Variants in CPSF7 observed in about 807,000 individuals in gnomAD.
CPSF7 encodes the protein cleavage and polyadenylation specificity factor subunit 7.
CPSF7 carries 1 observed loss-of-function variant against 44.3 expected under a neutral mutation model. That is an observed-to-expected ratio of 0.02 (90% CI 0.01 to 0.11). The LOEUF (loss-of-function observed/expected upper bound fraction) is 0.11. Ranked by LOEUF, CPSF7 falls within the 10% of genes least tolerant of loss-of-function variation. The pLI is 1.00. For synonymous variants in CPSF7, 202 were observed against 222.0 expected (o/e 0.91, Z 0.80); for missense variants, 443 against 607.2 (o/e 0.73, Z 2.84).
rs1334376882 is a variant in CPSF7 at position 61,429,950 on chromosome 11, G to A, written c.-92C>T. The stretch of plus-strand genomic sequence containing the variant: ...CGGCGGCGGCGGCGAGTCCGGACTA[G>A]GCCCGAAGCGCGCGAACCGCTCTCC... On this transcript the variant is annotated 5_prime_UTR_variant, in exon 1 of 10. Transcript: ENST00000439958. The A allele has an allele frequency of 2.2e-6, 3 of 1,367,346 alleles. No individual in the cohort carries two copies. The highest frequency in any genetic ancestry group is 2.3e-5 in the Admixed American group (1 of 43,180). The allele number at this position is 1,367,346 out of a possible 1,614,324, so 84.7% of individuals were successfully genotyped here.
In CPSF7 at chr11:61,416,133, C is replaced by G. The variant is rs1860317549; in HGVS notation, c.910G>C (p.Ala304Pro). 1.3e-6 allele frequency: 2 copies of G among 1,508,276 alleles called. No homozygotes were observed. The highest frequency in any genetic ancestry group is 1.8e-6 in the Non-Finnish European group (2 of 1,130,352). 93.4% of individuals were successfully genotyped at this position (1,508,276 alleles called of 1,614,324 possible). ...VGPPPDTYMKASAPYNHHGSR... is the reference protein window; with the variant it reads ...VGPPPDTYMKPSAPYNHHGSR... ...CCATGGTGGTTATAGGGGGCAGAGG[C>G]CTTCATGTAAGTATCTGGTGGAGGC... Residue 304 changes from alanine to proline, a missense_variant, in exon 6 of 10, where the codon GCC (alanine) becomes CCC (proline). Physicochemically the swap from Ala to Pro is conservative, Grantham distance 27. Transcript: ENST00000439958.
chr11:61,415,583 G>C lies in CPSF7; in HGVS notation c.1057+83C>G, dbSNP rs956031512. The C allele has an allele frequency of 9.0e-6, 8 of 887,428 alleles. No homozygotes were observed. In the African/African-American group the frequency reaches 1.2e-4, roughly 13 times the overall value. The allele number at this position is 887,428 out of a possible 1,614,324, so 55.0% of individuals were successfully genotyped here. A position where few individuals can be genotyped will look rare whatever the true frequency, so the allele number is the denominator to read the frequency against. Reference sequence around the variant, plus strand: ...TACAGTACTCCAACTTTATCTTGTTGAACTTTTGCCAGTAGAAATGACAAA... The same window carrying C: ...TACAGTACTCCAACTTTATCTTGTTCAACTTTTGCCAGTAGAAATGACAAA... On this transcript the variant is annotated intron_variant, in intron 7 of 9. Coordinates refer to ENST00000439958, the MANE Select transcript of CPSF7 (RefSeq NM_001142565.3).
At chr11:61,404,972 T>C (rs1859171897) in intron 9 of CPSF7, among the ~76,000 whole-genome samples, 1 of 152,058 alleles carries the variant, frequency 6.6e-6, no homozygotes, top group Non-Finnish European at 1.5e-5. Context: ...CAGAACAAAA[T>C]GAGGTCTCTG....
Position 61,416,469 on chromosome 11 carries a change from G to A in CPSF7, c.574C>T (p.Arg192Trp), listed in dbSNP as rs201985915. ...ACAAGGTTCTCAGAGGGTGTGGCCC[G>A]TCCATCAGCAGAATCACTAGAATCT... Reference protein sequence around the residue: ...SRDSSDSADGRATPSENLVPS... With the variant: ...SRDSSDSADGWATPSENLVPS... The change falls in exon 6 of 10, where the codon CGG becomes TGG. Residue 192 changes from arginine (R) to tryptophan (W), a missense_variant. Arg to Trp is a moderately radical substitution (Grantham distance 101, BLOSUM62 -3). Coordinates refer to ENST00000439958, the MANE Select transcript of CPSF7 (RefSeq NM_001142565.3). 52 of 1,614,122 alleles carry A rather than the reference G, an allele frequency of 3.2e-5. No individual in the cohort carries two copies. Among genetic ancestry groups the A allele is most frequent in the Admixed American group, 5.0e-5 (3 of 60,014 alleles).
At position 61,417,978 on chromosome 11, in the gene CPSF7, T is replaced by C. The variant is rs545018867; in HGVS notation, c.524-1459A>G. Among the ~76,000 whole-genome samples, 89 of 152,310 alleles carry C rather than the reference T, an allele frequency of 5.8e-4. 1 individual carries two copies. Among genetic ancestry groups the C allele is most frequent in the Non-Finnish European group, 1.1e-3 (72 of 68,024 alleles). On this transcript the variant is annotated intron_variant, in intron 5 of 9. Coordinates refer to ENST00000439958, the MANE Select transcript of CPSF7 (RefSeq NM_001142565.3). ...AACATGAAAAGTAGCTGAGTAGAAG[T>C]AGAACGTTACCCCCAATACAGTTGT...
intron 2 of CPSF7, chr11:61,428,858 T>C (rs1001290651): frequency 1.6e-5 from 3 of 185,596 alleles, no homozygotes; most frequent in Non-Finnish European, 3.4e-5. Flanking sequence ...CCGTAGCAAA[T>C]GTACTTTTGA....
intron 8 of CPSF7, 67 bp from the exon 9 acceptor site, chr11:61,411,172 T>C: frequency 6.7e-7 from 1 of 1,482,682 alleles, no homozygotes; most frequent in Non-Finnish European, 9.1e-7. Context: ...TGTGGTGTTT[T>C]GGTGTCTTCT....
rs984531347 is a variant in CPSF7, at chr11:61,403,337, A to G, written c.*1373T>C. On this transcript the variant is annotated 3_prime_UTR_variant, in exon 10 of 10. Coordinates refer to ENST00000439958, the MANE Select transcript of CPSF7 (RefSeq NM_001142565.3). ...TGTCAGATGCCCTGTAGATGCATGC[A>G]GAAGTAGCATCACCCCATGGGTACC... 4 of 152,186 alleles carry G rather than the reference A, an allele frequency of 2.6e-5. No homozygotes were observed. The highest frequency in any genetic ancestry group is 5.9e-5 in the Non-Finnish European group (4 of 68,028). The allele number at this position is 152,186 out of a possible 1,614,324, so 9.4% of individuals were successfully genotyped here.
chr11:61,420,754 C>T (rs1329879132), intron 3 of CPSF7, 181 bp from the exon 4 acceptor site: 1 of 607,408 alleles, frequency 1.6e-6, no homozygotes, highest in Non-Finnish European at 2.9e-6. Flanking sequence ...TCCAAACCCA[C>T]TCACCCCCAA....
intron 2 of CPSF7, chr11:61,426,597 A>T (rs2135405518): frequency 6.6e-6 from 1 of 152,348 alleles, no homozygotes; most frequent in East Asian, 1.9e-4. Flanking sequence ...CAGAGAACAA[A>T]CTATTGAGGC....
chr11:61,421,803 T>C (rs570228145), intron 2 of CPSF7, among the ~76,000 whole-genome samples, 195 bp from the exon 3 acceptor site: 1 of 152,296 alleles, frequency 6.6e-6, no homozygotes, highest in East Asian at 1.9e-4. Flanking sequence ...TACATTTTTT[T>C]CCCCTCAAGA....
intron 2 of CPSF7, chr11:61,427,295 A>AT (rs1861460565): frequency 6.6e-6 from 1 of 152,038 alleles, no homozygotes; most frequent in Non-Finnish European, 1.5e-5. Flanking sequence ...GAAAACAATG[A>AT]TTTTGTAACT....
intron 5 of CPSF7, among the ~76,000 whole-genome samples, chr11:61,419,450 T>C (rs1327916050): frequency 6.6e-6 from 1 of 152,260 alleles, no homozygotes; most frequent in African/African-American, 2.4e-5. Context: ...ACACTCCTCT[T>C]GGTTGATTCC....
At chr11:61,411,135 G>A in intron 8 of CPSF7, 30 bp from the exon 9 acceptor site, 1 of 1,576,890 alleles carries the variant, frequency 6.3e-7, no homozygotes, top group Non-Finnish European at 8.6e-7. Context: ...GCCTCACTCA[G>A]AAGGCCTACC....
At chr11:61,427,069 C>T (rs1412893138) in intron 2 of CPSF7, 1 of 145,798 alleles carries the variant, frequency 6.9e-6, no homozygotes, top group Non-Finnish European at 1.5e-5. Context: ...AACTAAGGAC[C>T]GCTCTTGTTA....
intron 5 of CPSF7, among the ~76,000 whole-genome samples, chr11:61,418,015 C>A (rs1235745567): frequency 6.6e-6 from 1 of 152,142 alleles, no homozygotes; most frequent in Non-Finnish European, 1.5e-5. Context: ...AAATTACATA[C>A]CTAAGGAAAG....
At chr11:61,405,349 C>G (rs1859211076) in intron 9 of CPSF7, among the ~76,000 whole-genome samples, 1 of 152,112 alleles carries the variant, frequency 6.6e-6, no homozygotes, top group African/African-American at 2.4e-5. Flanking sequence ...TCCAAGTGTA[C>G]TAAAACTCGA....
chr11:61,418,239 T>C (rs1860523012), intron 5 of CPSF7, among the ~76,000 whole-genome samples: 1 of 152,112 alleles, frequency 6.6e-6, no homozygotes, highest in African/African-American at 2.4e-5. Flanking sequence ...TACAAGGCAC[T>C]ATTTTGAGAG....
Position 61,403,758 on chromosome 11 carries a change from TC to T in CPSF7, c.*951del, listed in dbSNP as rs1859078902. ...CTGCCCAACTTGCTTCTTTCCCCAT[TC>T]CTCCTGGTTACTTCACAAGGGTTCT... On this transcript the variant is annotated 3_prime_UTR_variant, in exon 10 of 10. Coordinates refer to ENST00000439958, the MANE Select transcript of CPSF7 (RefSeq NM_001142565.3). 6.6e-6 allele frequency: 1 copy of T among 152,224 alleles called. No homozygotes were observed. The highest frequency in any genetic ancestry group is 2.4e-5 in the African/African-American group (1 of 41,400). 9.4% of individuals were successfully genotyped at this position (152,224 alleles called of 1,614,324 possible).
Sources: allele counts gnomAD v4.1 joint callset (sites outside exome capture counted in the v4.1 genomes callset), GRCh38; gene constraint gnomAD v4.1.1; transcripts MANE v1.5; gene names NCBI Gene and HGNC (gene_info 2026-07-23, HGNC 2026-07-21).